Variants in MCTP1 observed in about 807,000 individuals in gnomAD.
MCTP1 encodes multiple C2 and transmembrane domain-containing protein 1.
Under a neutral mutation model 120.6 loss-of-function variants are expected in MCTP1, and 69 were observed. The observed-to-expected ratio is 0.57, with a 90% CI of 0.47 to 0.70. The LOEUF is 0.70. Ranked by LOEUF, MCTP1 falls within the 30% of genes least tolerant of loss-of-function variation. The pLI is 0.00. For missense variants in MCTP1, 1,203 were observed against 1,248.8 expected (o/e 0.96, Z 0.55); for synonymous variants, 529 against 493.1 (o/e 1.07, Z -0.96).
At chr5:95,139,110 T>A (rs1759697432) in intron 1 of MCTP1, among the ~76,000 whole-genome samples, 1 of 152,172 alleles carries the variant, frequency 6.6e-6, no homozygotes, top group Admixed American at 6.5e-5. Flanking sequence ...TAACATCAGC[T>A]AAGAAACATA....
chr5:94,704,008 GT>G lies in MCTP1; in HGVS notation c.*3487del, dbSNP rs1754005057. 7.5e-6 allele frequency: 1 copy of G among 133,890 alleles called. No individual in the cohort carries two copies. The highest frequency in any genetic ancestry group is 1.7e-5 in the Non-Finnish European group (1 of 59,970). 8.3% of individuals were successfully genotyped at this position (133,890 alleles called of 1,614,324 possible). ...CACCAAAAAAAAAAGAAAAAAAAAT[GT>G]TTTGTTTTCTTTCAGTGAGTTACAC... On this transcript the variant is annotated 3_prime_UTR_variant, in exon 23 of 23. Transcript: ENST00000515393.
In MCTP1 at chr5:95,274,710, G is replaced by A. The variant is rs1200577925; in HGVS notation, c.720+9146C>T. Among the ~76,000 whole-genome samples, 4 of 151,210 alleles carry A rather than the reference G, an allele frequency of 2.6e-5. No individual in the cohort carries two copies. In the South Asian group the frequency reaches 8.3e-4, roughly 32 times the overall value. On this transcript the variant is annotated intron_variant, in intron 1 of 22. Coordinates refer to ENST00000515393, the MANE Select transcript of MCTP1 (RefSeq NM_024717.7). The stretch of plus-strand genomic sequence containing the variant: ...GTGATCTTGGCTCACTGCAAACTCT[G>A]CCTCCCGGGTTCATGCCATTCTCCT...
chr5:94,835,444 T>C (rs777658354), intron 17 of MCTP1, among the ~76,000 whole-genome samples: 1 of 152,178 alleles, frequency 6.6e-6, no homozygotes, highest in Non-Finnish European at 1.5e-5. Flanking sequence ...TGAGTTACAA[T>C]AGCCAGGGTG....
At chr5:94,778,243 A>C (rs1035264342) in intron 19 of MCTP1, among the ~76,000 whole-genome samples, 1 of 152,114 alleles carries the variant, frequency 6.6e-6, no homozygotes, top group Non-Finnish European at 1.5e-5. Context: ...GAAGGTAAAA[A>C]AATCTGGTTT....
intron 2 of MCTP1, among the ~76,000 whole-genome samples, chr5:94,965,779 G>A (rs748196656): frequency 3.2e-4 from 49 of 152,110 alleles, no homozygotes; most frequent in Non-Finnish European, 6.5e-4. Context: ...GAAGTGATTA[G>A]GCCATGAGGA....
chr5:94,932,695 T>TA (rs1346656818), intron 5 of MCTP1, among the ~76,000 whole-genome samples: 1 of 151,828 alleles, frequency 6.6e-6, no homozygotes, highest in East Asian at 1.9e-4. Context: ...CTCTTCACTT[T>TA]AAAAAATTTC....
intron 1 of MCTP1, among the ~76,000 whole-genome samples, chr5:95,087,649 C>T (rs566334848): frequency 1.1e-4 from 17 of 152,288 alleles, no homozygotes; most frequent in African/African-American, 2.9e-4. Context: ...ATGGACAGTC[C>T]GTCTCAGACC....
At chr5:95,068,355 T>G (rs898755187) in intron 1 of MCTP1, among the ~76,000 whole-genome samples, 10 of 152,122 alleles carry the variant, frequency 6.6e-5, no homozygotes, top group African/African-American at 2.4e-5. Flanking sequence ...GAAGATATGT[T>G]AATAGAAGGG....
intron 1 of MCTP1, among the ~76,000 whole-genome samples, chr5:95,123,597 A>C (rs1758394912): frequency 6.6e-6 from 1 of 152,094 alleles, no homozygotes; most frequent in South Asian, 2.1e-4. Flanking sequence ...ATCATTCAGC[A>C]CAAGATATAT....
At chr5:95,268,068 T>C (rs959398350) in intron 1 of MCTP1, among the ~76,000 whole-genome samples, 1 of 152,264 alleles carries the variant, frequency 6.6e-6, no homozygotes, top group Non-Finnish European at 1.5e-5. Context: ...GGGTTGGGAC[T>C]TCTTATCATA....
At chr5:95,122,280 G>A (rs1410272124) in intron 1 of MCTP1, among the ~76,000 whole-genome samples, 1 of 151,884 alleles carries the variant, frequency 6.6e-6, no homozygotes, top group East Asian at 1.9e-4. Flanking sequence ...GAATATATAA[G>A]GAGCTCAAAC....
At chr5:95,191,538 CTA>C (rs1471533636) in intron 1 of MCTP1, among the ~76,000 whole-genome samples, 1 of 151,960 alleles carries the variant, frequency 6.6e-6, no homozygotes, top group African/African-American at 2.4e-5. Flanking sequence ...TTTTTATTTT[CTA>C]TCACTATAAC....
intron 1 of MCTP1, among the ~76,000 whole-genome samples, chr5:95,181,476 C>T (rs1484523654): frequency 6.6e-6 from 1 of 152,176 alleles, no homozygotes; most frequent in Non-Finnish European, 1.5e-5. Flanking sequence ...AGGATGTCTT[C>T]CATGATGACT....
At chr5:94,738,965 CAT>C (rs1385846506) in intron 19 of MCTP1, among the ~76,000 whole-genome samples, 1 of 152,202 alleles carries the variant, frequency 6.6e-6, no homozygotes, top group Non-Finnish European at 1.5e-5. Context: ...AGTTAAAACA[CAT>C]GTGATCTTTT....
chr5:95,066,614 T>A (rs1750722552), intron 1 of MCTP1, among the ~76,000 whole-genome samples: 1 of 152,172 alleles, frequency 6.6e-6, no homozygotes, highest in African/African-American at 2.4e-5. Flanking sequence ...GATAAACTTA[T>A]AAAGAAAATT....
intron 1 of MCTP1, among the ~76,000 whole-genome samples, chr5:95,221,943 A>G (rs192891555): frequency 5.9e-4 from 90 of 152,360 alleles, no homozygotes; most frequent in African/African-American, 1.8e-3. Context: ...TTTACACAGA[A>G]AATTGTTTTA....
intron 19 of MCTP1, among the ~76,000 whole-genome samples, chr5:94,740,558 G>A (rs1765285917): frequency 6.6e-6 from 1 of 152,296 alleles, no homozygotes; most frequent in South Asian, 2.1e-4. Flanking sequence ...TGGTGTGGTT[G>A]TAAGTGGCAG....
At chr5:94,946,562 T>C (rs1302159194) in intron 3 of MCTP1, among the ~76,000 whole-genome samples, 1 of 152,114 alleles carries the variant, frequency 6.6e-6, no homozygotes, top group Non-Finnish European at 1.5e-5. Context: ...TTATGATGGC[T>C]CCAGGTGCCA....
chr5:95,050,200 A>T lies in MCTP1; in HGVS notation c.721-32716T>A, dbSNP rs184854119. Reference sequence around the variant, plus strand: ...GTAGGTGCTACAGATTCAGAAAATTAAAAAAAAAAATTAAACCACAGAATA... The same window carrying T: ...GTAGGTGCTACAGATTCAGAAAATTTAAAAAAAAAATTAAACCACAGAATA... On this transcript the variant is annotated intron_variant, in intron 1 of 22. Coordinates refer to ENST00000515393, the MANE Select transcript of MCTP1 (RefSeq NM_024717.7). Among the ~76,000 whole-genome samples, 8 of 147,966 alleles carry T rather than the reference A, an allele frequency of 5.4e-5. No homozygotes were observed. The East Asian group carries it at 5.8e-4, about 11-fold the overall frequency.
Sources: gnomAD v4.1 joint callset for allele counts (sites outside exome capture counted in the v4.1 genomes callset) on GRCh38, gnomAD v4.1.1 for gene constraint, MANE v1.5 for transcripts, NCBI Gene and HGNC (gene_info 2026-07-23, HGNC 2026-07-21) for gene names.